BRD9: variants seen among roughly 807,000 people sequenced by gnomAD.
The protein encoded by BRD9 is bromodomain-containing protein 9.
A neutral mutation model predicts 68.7 loss-of-function variants in BRD9; 47 were observed. The observed-to-expected ratio is 0.68, with a 90% confidence interval of 0.54 to 0.87. The LOEUF is 0.87. BRD9 is among the 40% of genes least tolerant of loss of function. BRD9 has a pLI of 0.00. For missense variants in BRD9, 670 were observed against 748.4 expected, an observed-to-expected ratio of 0.90 and a Z score of 1.22; for synonymous variants, 313 against 293.9, an observed-to-expected ratio of 1.06 and a Z score of -0.67.
intron 9 of BRD9, among the ~76,000 whole-genome samples, chr5:880,888 G>A (rs1751633960): frequency 6.6e-6 from 1 of 152,208 alleles, no homozygotes; most frequent in Admixed American, 6.5e-5. Context: ...CTCCCAAGGA[G>A]CCCTGACCGA....
chr5:884,070 G>A lies in BRD9; in HGVS notation c.834C>T (p.Ser278=), dbSNP rs749813847. The A allele has an allele frequency of 2.5e-6, 4 of 1,612,588 alleles. No individual in the cohort carries two copies. In the African/African-American group the frequency reaches 5.3e-5, roughly 22 times the overall value. The part of the protein sequence containing the change: ...KSKKPSREVI[S]CMFEPEGNAC... ...CATTCCCTTCAGGCTCAAACATGCAGCTGTGAGGTGGGGACAACCAAGTCA... is the reference window on the plus strand; with the variant it reads ...CATTCCCTTCAGGCTCAAACATGCAACTGTGAGGTGGGGACAACCAAGTCA... The change falls in exon 8 of 16, where the codon AGC becomes AGT. Residue 278 remains serine, a splice_region_variant and synonymous_variant. Transcript: ENST00000467963.
At chr5:877,569 A>G (rs1751136507) in intron 11 of BRD9, among the ~76,000 whole-genome samples, 1 of 152,202 alleles carries the variant, frequency 6.6e-6, no homozygotes. Context: ...AAACTGCCAA[A>G]TTTTACAAGA....
Position 892,693 on chromosome 5 carries a change from G to T in BRD9, c.-36C>A, listed in dbSNP as rs6869238. On this transcript the variant is annotated 5_prime_UTR_variant, in exon 1 of 16. Transcript: ENST00000467963. ...GCGGCGGGCCCGAGGCGGGGGCTGG[G>T]AACAGCTGGCACCCGGTCGGACCTT... 1.8e-3 allele frequency: 2,425 copies of T among 1,377,550 alleles called. 17 individuals are homozygous for T. In the African/African-American group the frequency reaches 0.019, roughly 11 times the overall value. The allele number at this position is 1,377,550 out of a possible 1,614,324, so 85.3% of individuals were successfully genotyped here. A position where few individuals can be genotyped will look rare whatever the true frequency, so the allele number is the denominator to read the frequency against.
intron 7 of BRD9, among the ~76,000 whole-genome samples, chr5:884,648 A>G (rs763164050): frequency 1.4e-4 from 21 of 152,254 alleles, no homozygotes; most frequent in Non-Finnish European, 2.6e-4. Flanking sequence ...AAGGTTCTAG[A>G]AGCAAGCGAG....
At chr5:886,936 G>A (rs1009422160) in intron 6 of BRD9, 38 of 662,092 alleles carry the variant, frequency 5.7e-5, no homozygotes, top group South Asian at 7.7e-5. Context: ...CCGCCAGAGC[G>A]CGGCAGGTGC....
At chr5:872,962 A>C (rs55837527) in intron 12 of BRD9, among the ~76,000 whole-genome samples, 5,720 of 152,000 alleles carry the variant, frequency 0.038, 341 homozygotes, top group African/African-American at 0.13. Flanking sequence ...GTCAGGAGTT[A>C]AAGACCAGCC....
chr5:866,402 G>C (rs955947500), intron 14 of BRD9: 2 of 152,278 alleles, frequency 1.3e-5, no homozygotes, highest in African/African-American at 4.8e-5. Flanking sequence ...GGAATCAGTA[G>C]ACAAAGTGTA....
chr5:887,862 T>C (rs1752795407), intron 5 of BRD9, among the ~76,000 whole-genome samples: 1 of 152,228 alleles, frequency 6.6e-6, no homozygotes, highest in Non-Finnish European at 1.5e-5. Context: ...ATAGCCTCTA[T>C]CTCTAGAATT....
intron 12 of BRD9, among the ~76,000 whole-genome samples, chr5:874,625 A>G (rs1379177132): frequency 6.6e-6 from 1 of 152,274 alleles, no homozygotes; most frequent in Non-Finnish European, 1.5e-5. Flanking sequence ...TCAGTGACTG[A>G]GGACTTCAAA....
At chr5:885,088 C>T (rs1752347926) in intron 7 of BRD9, among the ~76,000 whole-genome samples, 1 of 152,220 alleles carries the variant, frequency 6.6e-6, no homozygotes, top group East Asian at 1.9e-4. Context: ...AATTCCCCCT[C>T]GATGCTCAGT....
chr5:881,437 C>A (rs909345727), intron 8 of BRD9: 4 of 555,320 alleles, frequency 7.2e-6, no homozygotes, highest in Non-Finnish European at 1.3e-5. Flanking sequence ...AAAACCTTCA[C>A]CCACGAGTAA....
intron 7 of BRD9, among the ~76,000 whole-genome samples, chr5:884,918 T>C (rs1560921351): frequency 6.6e-6 from 1 of 152,166 alleles, no homozygotes; most frequent in Non-Finnish European, 1.5e-5. Flanking sequence ...CTCGGCACGC[T>C]CTCCTGCCTG....
At chr5:867,424 C>T (rs571292297) in intron 14 of BRD9, among the ~76,000 whole-genome samples, 47 of 152,342 alleles carry the variant, frequency 3.1e-4, no homozygotes, top group African/African-American at 1.0e-3. Context: ...AAAGGGCCAC[C>T]GTCCTCCAGA....
chr5:865,727 CAGGT>C, intron 14 of BRD9, 146 bp from the exon 15 acceptor site: 1 of 844,426 alleles, frequency 1.2e-6, no homozygotes. Context: ...TCACAGCAGA[CAGGT>C]GGACAGGCCT....
intron 3 of BRD9, 134 bp downstream of exon 3, chr5:891,021 T>A: frequency 8.4e-7 from 1 of 1,195,702 alleles, no homozygotes; most frequent in East Asian, 2.7e-5. Flanking sequence ...AGAGGACACC[T>A]GGGATGAGGC....
Position 884,057 on chromosome 5 carries a change from G to A in BRD9, c.847C>T (p.Pro283Ser), listed in dbSNP as rs1457639521. ...GTCAAGCTGCAGGCATTCCCTTCAG[G>A]CTCAAACATGCAGCTGTGAGGTGGG... Reference protein sequence around the residue: ...SREVISCMFEPEGNACSLTDS... With the variant: ...SREVISCMFESEGNACSLTDS... Residue 283 changes from proline to serine, a missense_variant, in exon 8 of 16, where the codon CCT becomes TCT. Pro to Ser is a moderately conservative substitution (Grantham distance 74). This residue lies in a region of BRD9 where 135 missense variants were observed against 141.2 expected (regional missense o/e 0.96). Transcript: ENST00000467963. 1 of 1,613,352 alleles carries A rather than the reference G, an allele frequency of 6.2e-7. No homozygotes were observed. Among genetic ancestry groups the A allele is most frequent in the Admixed American group, 1.7e-5 (1 of 60,014 alleles).
intron 1 of BRD9, chr5:892,187 C>T (rs374565393): frequency 9.2e-6 from 4 of 432,860 alleles, no homozygotes; most frequent in Admixed American, 4.2e-5. Context: ...AAACCCCCAG[C>T]ACTTCGGTTC....
At chr5:890,742 A>G (rs1753232902) in intron 3 of BRD9, among the ~76,000 whole-genome samples, 2 of 152,164 alleles carry the variant, frequency 1.3e-5, no homozygotes, top group South Asian at 2.1e-4. Context: ...TACTGTTCCA[A>G]TACTGTCTTA....
chr5:884,359 AAGTAAC>A, intron 7 of BRD9, among the ~76,000 whole-genome samples: 1 of 152,366 alleles, frequency 6.6e-6, no homozygotes, highest in African/African-American at 2.4e-5. Context: ...AAAAGCAACA[AAGTAAC>A]AGATGCCCAC....
Sources: gnomAD v4.1 joint callset for allele counts (sites outside exome capture counted in the v4.1 genomes callset) on GRCh38, gnomAD v4.1.1 for gene constraint, gnomAD v4.1.1 regional missense constraint, MANE v1.5 for transcripts, NCBI Gene and HGNC (gene_info 2026-07-23, HGNC 2026-07-21) for gene names.